Variants in ULK4 observed in about 807,000 individuals in gnomAD.
The protein encoded by ULK4 is inactive serine/threonine-protein kinase ULK4.
In ULK4, 133 loss-of-function variants were observed where a neutral mutation model predicts 160.6. The observed-to-expected ratio is 0.83, with a 90% confidence interval of 0.72 to 0.96. The LOEUF (loss-of-function observed/expected upper bound fraction) is 0.96. Among genes scored for constraint, ULK4 ranks in the 40% least tolerant of loss-of-function variants. The probability of loss-of-function intolerance (pLI) is 0.00; values close to 1 mark genes in which losing one functional copy is unlikely to be tolerated. For synonymous variants in ULK4, 534 were observed against 539.8 expected (o/e 0.99, Z 0.15); for missense variants, 1,580 against 1,499.5 (o/e 1.05, Z -0.89).
intron 32 of ULK4, among the ~76,000 whole-genome samples, chr3:41,466,310 A>C (rs1006550190): frequency 1.1e-4 from 16 of 152,146 alleles, no homozygotes; most frequent in Admixed American, 2.6e-4. Flanking sequence ...GTAAACGGAG[A>C]TAGTAAGTAT....
rs183907380 is a variant in ULK4 at position 41,389,840 on chromosome 3, T to G, written c.3678+8239A>C. 9.9e-4 allele frequency among the ~76,000 whole-genome samples: 150 copies of G among 152,268 alleles called. No homozygotes were observed. The East Asian group carries it at 0.027, about 27-fold the overall frequency. On this transcript the variant is annotated intron_variant, in intron 35 of 36. Transcript: ENST00000301831. ...ATACTGGTCTAAAATTCTCTTTTTTTGTTGTGTCTCTGCCAGGCTTTGGTA... is the reference window on the plus strand; with the variant it reads ...ATACTGGTCTAAAATTCTCTTTTTTGGTTGTGTCTCTGCCAGGCTTTGGTA...
chr3:41,277,345 T>C (rs1277747930), intron 35 of ULK4, among the ~76,000 whole-genome samples: 2 of 152,090 alleles, frequency 1.3e-5, no homozygotes, highest in Non-Finnish European at 2.9e-5. Context: ...AATGCTGAAA[T>C]CCTTAACAAA....
At chr3:41,684,368 G>A (rs2036029165) in intron 27 of ULK4, among the ~76,000 whole-genome samples, 1 of 152,214 alleles carries the variant, frequency 6.6e-6, no homozygotes, top group Admixed American at 6.5e-5. Flanking sequence ...AGACTTGTCA[G>A]TTACAAACGT....
chr3:41,249,681 T>A, intron 35 of ULK4, 107 bp from the exon 36 acceptor site: 1 of 1,171,706 alleles, frequency 8.5e-7, no homozygotes, highest in Non-Finnish European at 1.2e-6. Flanking sequence ...TGTGGCTGCC[T>A]AAGGCACTGG....
Position 41,935,883 on chromosome 3 carries a change from C to A in ULK4, c.296G>T (p.Arg99Ile). Residue 99 changes from arginine (R) to isoleucine (I), a missense_variant, in exon 4 of 37, where the codon AGA becomes ATA. Coordinates refer to ENST00000301831, the MANE Select transcript of ULK4 (RefSeq NM_017886.4). ...ACTAATCAGGTCAATTCCAAATTCTCTCACAACATCTTCTGGGAGGTTTTC... is the reference window on the plus strand; with the variant it reads ...ACTAATCAGGTCAATTCCAAATTCTATCACAACATCTTCTGGGAGGTTTTC... ...QDENLPEDVVREFGIDLISGL... is the reference protein window; with the variant it reads ...QDENLPEDVVIEFGIDLISGL... 6.2e-7 allele frequency: 1 copy of A among 1,613,986 alleles called. No homozygotes were observed. The highest frequency in any genetic ancestry group is 2.2e-5 in the East Asian group (1 of 44,870).
intron 32 of ULK4, among the ~76,000 whole-genome samples, chr3:41,481,398 A>C (rs2084315859): frequency 1.3e-5 from 2 of 152,226 alleles, no homozygotes; most frequent in African/African-American, 4.8e-5. Flanking sequence ...GGTAAGGCTG[A>C]AATCTACTGG....
At chr3:41,502,958 T>C (rs1034520175) in intron 32 of ULK4, among the ~76,000 whole-genome samples, 9 of 152,142 alleles carry the variant, frequency 5.9e-5, no homozygotes, top group African/African-American at 2.2e-4. Flanking sequence ...CAAATGTCCA[T>C]TAATTGCTGT....
At chr3:41,721,360 ATATT>A (rs1418820469) in intron 22 of ULK4, among the ~76,000 whole-genome samples, 102 of 51,446 alleles carry the variant, frequency 2.0e-3, no homozygotes, top group African/African-American at 0.01. Flanking sequence ...ATATATATAT[ATATT>A]TTTTTTTTTT....
intron 35 of ULK4, among the ~76,000 whole-genome samples, chr3:41,273,287 C>G (rs1466618426): frequency 6.6e-6 from 1 of 152,052 alleles, no homozygotes; most frequent in African/African-American, 2.4e-5. Context: ...AAATTATTTC[C>G]CCTGTTGAGG....
In ULK4 at chr3:41,534,292, A is replaced by C. The variant is rs1014237420; in HGVS notation, c.3226+31733T>G. Among the ~76,000 whole-genome samples, 11 of 152,172 alleles carry C rather than the reference A, an allele frequency of 7.2e-5. No homozygotes were observed. The South Asian group carries it at 2.1e-3, about 29-fold the overall frequency. ...TTAAATGCTTCTTTGGCGGTGCCAC[A>C]GTTTTTTACTGTTGCAGTGTGTCAT... On this transcript the variant is annotated intron_variant, in intron 32 of 36. Coordinates refer to ENST00000301831, the MANE Select transcript of ULK4 (RefSeq NM_017886.4).
intron 31 of ULK4, among the ~76,000 whole-genome samples, chr3:41,572,017 G>T (rs973959201): frequency 5.9e-5 from 9 of 152,100 alleles, no homozygotes; most frequent in African/African-American, 2.2e-4. Flanking sequence ...GCCATGTCCT[G>T]TACTCCACTT....
At chr3:41,348,636 C>G (rs1176319407) in intron 35 of ULK4, among the ~76,000 whole-genome samples, 1 of 152,032 alleles carries the variant, frequency 6.6e-6, no homozygotes, top group African/African-American at 2.4e-5. Context: ...ATACACTAAG[C>G]CCCAGTAAAA....
intron 31 of ULK4, among the ~76,000 whole-genome samples, chr3:41,611,282 G>A (rs1343666807): frequency 6.6e-6 from 1 of 152,202 alleles, no homozygotes; most frequent in African/African-American, 2.4e-5. Context: ...CAATGAAAAT[G>A]CAGAGGTCTC....
chr3:41,935,782 A>G lies in ULK4; in HGVS notation c.378+19T>C. The stretch of plus-strand genomic sequence containing the variant: ...TTGAGACAGAAGCAGTTAGAAAATC[A>G]AAAACTTTCATGAATTACCTTCCTA... On this transcript the variant is annotated intron_variant, in intron 4 of 36. Coordinates refer to ENST00000301831, the MANE Select transcript of ULK4 (RefSeq NM_017886.4). 6.3e-7 allele frequency: 1 copy of G among 1,592,396 alleles called. No homozygotes were observed. The highest frequency in any genetic ancestry group is 8.5e-7 in the Non-Finnish European group (1 of 1,172,232).
intron 35 of ULK4, among the ~76,000 whole-genome samples, chr3:41,389,507 T>C (rs1575501485): frequency 6.6e-6 from 1 of 152,182 alleles, no homozygotes; most frequent in Admixed American, 6.5e-5. Context: ...TGGCTGTGGG[T>C]TTGTCATAGA....
At chr3:41,327,215 C>T (rs2080355188) in intron 35 of ULK4, among the ~76,000 whole-genome samples, 1 of 152,176 alleles carries the variant, frequency 6.6e-6, no homozygotes, top group African/African-American at 2.4e-5. Flanking sequence ...TCCATTTACC[C>T]TCACATCCTG....
chr3:41,782,377 A>C (rs2039874071), intron 21 of ULK4, among the ~76,000 whole-genome samples: 1 of 152,184 alleles, frequency 6.6e-6, no homozygotes. Context: ...TTATTTTGTA[A>C]GTGGCATGAT....
At position 41,448,486 on chromosome 3, in the gene ULK4, G is replaced by T. The variant is rs183465663; in HGVS notation, c.3492+7011C>A. On this transcript the variant is annotated intron_variant, in intron 34 of 36. Transcript: ENST00000301831. ...CATAAGAAAGGGTCCAATTATCTAT[G>T]ATTTTGTAAGCCTGTTCAGAAGTTA... 2.4e-3 allele frequency among the ~76,000 whole-genome samples: 359 copies of T among 152,312 alleles called. 1 individual carries two copies. The highest frequency in any genetic ancestry group is 4.2e-3 in the Non-Finnish European group (283 of 68,022).
chr3:41,699,652 C>T lies in ULK4; in HGVS notation c.2781+5405G>A, dbSNP rs569398183. 7.2e-5 allele frequency among the ~76,000 whole-genome samples: 11 copies of T among 152,282 alleles called. No homozygotes were observed. The East Asian group carries it at 1.9e-3, about 27-fold the overall frequency. On this transcript the variant is annotated intron_variant, in intron 27 of 36. Coordinates refer to ENST00000301831, the MANE Select transcript of ULK4 (RefSeq NM_017886.4). ...GCTCGTGCTCAGCAAGAATCAAATG[C>T]ATTTAGCCACTTCCATACAATATAG...
Sources: allele counts gnomAD v4.1 joint callset (sites outside exome capture counted in the v4.1 genomes callset), GRCh38; gene constraint gnomAD v4.1.1; transcripts MANE v1.5; gene names NCBI Gene and HGNC (gene_info 2026-07-23, HGNC 2026-07-21).